The following DAP variants were observed in gnomAD, a reference collection of about 807,000 sequenced individuals.
The protein encoded by DAP is death associated protein.
A neutral mutation model predicts 13.8 loss-of-function variants in DAP; 8 were observed. The ratio of observed to expected loss-of-function variants is 0.58; its 90% CI spans 0.34 to 1.05. The LOEUF (loss-of-function observed/expected upper bound fraction) is 1.05. DAP is among the 50% of genes least tolerant of loss of function. The pLI is 0.03. For synonymous variants in DAP, 47 were observed against 47.5 expected, an observed-to-expected ratio of 0.99 and a Z score of 0.04; for missense variants, 106 against 133.2, an observed-to-expected ratio of 0.80 and a Z score of 1.01.
intron 1 of DAP, among the ~76,000 whole-genome samples, chr5:10,760,761 G>T (rs564104140): frequency 6.6e-6 from 1 of 152,172 alleles, no homozygotes; most frequent in African/African-American, 2.4e-5. Context: ...AATCGCACAG[G>T]TACGCGGCCG....
At chr5:10,744,249 T>G (rs758852346) in intron 2 of DAP, among the ~76,000 whole-genome samples, 1 of 152,224 alleles carries the variant, frequency 6.6e-6, no homozygotes, top group Non-Finnish European at 1.5e-5. Context: ...TGTTAGGTAC[T>G]CATTTTCATA....
chr5:10,681,973 G>A (rs778206913), intron 3 of DAP, among the ~76,000 whole-genome samples: 6 of 151,382 alleles, frequency 4.0e-5, no homozygotes, highest in Non-Finnish European at 7.4e-5. Context: ...GTCGCTGTAG[G>A]AAGCATGGGG....
chr5:10,705,196 G>A (rs992086007), intron 2 of DAP, among the ~76,000 whole-genome samples: 3 of 152,202 alleles, frequency 2.0e-5, no homozygotes, highest in African/African-American at 7.2e-5. Flanking sequence ...CTTTTGGGCA[G>A]AACTTCCATT....
chr5:10,727,944 G>C (rs1474557804), intron 2 of DAP, among the ~76,000 whole-genome samples: 1 of 152,096 alleles, frequency 6.6e-6, no homozygotes, highest in Admixed American at 6.5e-5. Context: ...CTGTTATCCT[G>C]TATTGTTTGG....
At chr5:10,699,919 C>T (rs771653899) in intron 2 of DAP, among the ~76,000 whole-genome samples, 65 of 152,226 alleles carry the variant, frequency 4.3e-4, no homozygotes, top group Non-Finnish European at 8.1e-4. Context: ...GCAAATCTCA[C>T]CAGTGAAGAT....
chr5:10,696,471 T>C (rs182655054), intron 2 of DAP, among the ~76,000 whole-genome samples: 6 of 152,264 alleles, frequency 3.9e-5, no homozygotes, highest in South Asian at 4.1e-4. Flanking sequence ...GCTTAGGAAA[T>C]AGATGGTTCT....
intron 3 of DAP, among the ~76,000 whole-genome samples, chr5:10,681,966 G>A (rs374336334): frequency 1.6e-5 from 2 of 127,812 alleles, no homozygotes; most frequent in Non-Finnish European, 3.3e-5. Context: ...CACCAGCGTC[G>A]CTGTAGGAAG....
intron 2 of DAP, among the ~76,000 whole-genome samples, chr5:10,709,101 C>T (rs150843654): frequency 1.3e-5 from 2 of 152,336 alleles, no homozygotes; most frequent in East Asian, 1.9e-4. Context: ...CAAGCATGTG[C>T]CATGGCTTGA....
chr5:10,750,075 G>A (rs1740008786), intron 1 of DAP, among the ~76,000 whole-genome samples: 1 of 152,160 alleles, frequency 6.6e-6, no homozygotes, highest in Non-Finnish European at 1.5e-5. Flanking sequence ...TGGCCCCCCA[G>A]GCTCTGGATG....
In DAP at chr5:10,761,082, T is replaced by C. The variant is rs775921278; in HGVS notation, c.-14A>G. ...AGGCGAAGACATGACGCGGCGGGGC[T>C]TCCGCGGGGCCGAGGCGGCGGCGCG... On this transcript the variant is annotated 5_prime_UTR_variant, in exon 1 of 4. Transcript: ENST00000230895. 8.3e-7 allele frequency: 1 copy of C among 1,207,794 alleles called. No individual in the cohort carries two copies. The highest frequency in any genetic ancestry group is 1.0e-6 in the Non-Finnish European group (1 of 960,850). The allele number at this position is 1,207,794 out of a possible 1,614,324, so 74.8% of individuals were successfully genotyped here.
chr5:10,690,737 T>C (rs990440967), intron 2 of DAP, among the ~76,000 whole-genome samples: 1 of 152,230 alleles, frequency 6.6e-6, no homozygotes, highest in Non-Finnish European at 1.5e-5. Context: ...GGTGCAGCTA[T>C]GGACGTGGGT....
chr5:10,703,985 C>T lies in DAP; in HGVS notation c.153-20414G>A, dbSNP rs887051144. Among the ~76,000 whole-genome samples, 8 of 152,346 alleles carry T rather than the reference C, an allele frequency of 5.3e-5. 1 individual carries two copies. Among genetic ancestry groups the T allele is most frequent in the Admixed American group, 4.6e-4 (7 of 15,314 alleles). On this transcript the variant is annotated intron_variant, in intron 2 of 3. Coordinates refer to ENST00000230895, the MANE Select transcript of DAP (RefSeq NM_004394.3). ...CATGCTGTGGCAGAAAGCAGCATCC[C>T]GAGGGCTGGGCAACCTCTTGCCTGA...
intron 2 of DAP, among the ~76,000 whole-genome samples, chr5:10,715,230 C>T (rs570453042): frequency 6.6e-6 from 1 of 152,248 alleles, no homozygotes; most frequent in Non-Finnish European, 1.5e-5. Flanking sequence ...ACACAGTAGC[C>T]TGATGTCCCT....
chr5:10,723,888 T>C (rs938717459), intron 2 of DAP, among the ~76,000 whole-genome samples: 2 of 152,234 alleles, frequency 1.3e-5, no homozygotes, highest in Non-Finnish European at 2.9e-5. Flanking sequence ...CATCTTGCTC[T>C]GTATCTTAGG....
intron 2 of DAP, among the ~76,000 whole-genome samples, chr5:10,744,706 T>C (rs1739857533): frequency 2.0e-5 from 3 of 152,236 alleles, no homozygotes; most frequent in Admixed American, 2.0e-4. Flanking sequence ...TCCCTAAGCT[T>C]TGCTTTCTTC....
At chr5:10,743,204 T>C (rs1739804932) in intron 2 of DAP, among the ~76,000 whole-genome samples, 1 of 152,258 alleles carries the variant, frequency 6.6e-6, no homozygotes. Context: ...TTTAGCCTTA[T>C]AGTATCCACT....
At chr5:10,743,185 T>G (rs1022677539) in intron 2 of DAP, among the ~76,000 whole-genome samples, 1 of 152,236 alleles carries the variant, frequency 6.6e-6, no homozygotes, top group East Asian at 1.9e-4. Context: ...TGCATAGTTT[T>G]TTATTGTCTT....
At chr5:10,684,218 G>A (rs1738102382) in intron 2 of DAP, among the ~76,000 whole-genome samples, 1 of 152,200 alleles carries the variant, frequency 6.6e-6, no homozygotes, top group South Asian at 2.1e-4. Flanking sequence ...CTTCCCTAAA[G>A]CAGGGGAGAA....
intron 2 of DAP, among the ~76,000 whole-genome samples, chr5:10,746,123 G>T (rs918528508): frequency 2.6e-5 from 4 of 152,132 alleles, no homozygotes; most frequent in Non-Finnish European, 4.4e-5. Flanking sequence ...TCTCCTAGGG[G>T]GTACTATGTG....
Sources: gnomAD v4.1 joint callset for allele counts (sites outside exome capture counted in the v4.1 genomes callset) on GRCh38, gnomAD v4.1.1 for gene constraint, MANE v1.5 for transcripts, NCBI Gene and HGNC (gene_info 2026-07-23, HGNC 2026-07-21) for gene names.